The following DIPK1A variants were observed in gnomAD, a reference collection of about 807,000 sequenced individuals.
DIPK1A encodes family with sequence similarity 69 member A.
In DIPK1A, 27 loss-of-function variants were observed where a neutral mutation model predicts 40.8. The ratio of observed to expected loss-of-function variants is 0.66; its 90% CI spans 0.49 to 0.91. DIPK1A has a LOEUF of 0.91. Among genes scored for constraint, DIPK1A ranks in the 40% least tolerant of loss-of-function variants. The pLI is 0.00. For missense variants in DIPK1A, 412 were observed against 505.7 expected, an observed-to-expected ratio of 0.81 and a Z score of 1.78; for synonymous variants, 166 against 171.3, an observed-to-expected ratio of 0.97 and a Z score of 0.24.
At chr1:92,937,321 G>T (rs985356598) in intron 1 of DIPK1A, among the ~76,000 whole-genome samples, 1 of 151,896 alleles carries the variant, frequency 6.6e-6, no homozygotes, top group Non-Finnish European at 1.5e-5. Context: ...AAAATAGCCG[G>T]GCATGGTGAC....
chr1:92,847,911 A>AT (rs952920867), intron 3 of DIPK1A, among the ~76,000 whole-genome samples: 40 of 152,224 alleles, frequency 2.6e-4, no homozygotes, highest in Middle Eastern at 3.4e-3. Context: ...AATTAAAAAC[A>AT]TTTTTTGTAG....
intron 4 of DIPK1A, among the ~76,000 whole-genome samples, chr1:92,835,660 CAAAAA>C (rs11417383): frequency 8.1e-5 from 10 of 123,402 alleles, no homozygotes; most frequent in Non-Finnish European, 1.6e-4. Flanking sequence ...AACTGTGTCT[CAAAAA>C]AAAAAAAAAA....
At chr1:92,955,554 C>T (rs1303251619) in intron 1 of DIPK1A, among the ~76,000 whole-genome samples, 1 of 151,644 alleles carries the variant, frequency 6.6e-6, no homozygotes, top group Non-Finnish European at 1.5e-5. Context: ...AAAAATTAGC[C>T]AGGAGTGGTG....
chr1:92,834,182 C>G (rs1204290027), intron 4 of DIPK1A, among the ~76,000 whole-genome samples: 1 of 152,132 alleles, frequency 6.6e-6, no homozygotes, highest in East Asian at 1.9e-4. Context: ...AGGGTTTGTC[C>G]TGATTTTTCC....
At position 92,887,330 on chromosome 1, in the gene DIPK1A, G is replaced by GT. The variant is rs149281935; in HGVS notation, c.55-10901dup. Among the ~76,000 whole-genome samples, 1,481 of 151,960 alleles carry GT rather than the reference G, an allele frequency of 9.7e-3. 31 individuals are homozygous for GT. Among genetic ancestry groups the GT allele is most frequent in the South Asian group, 0.035 (169 of 4,812 alleles). ...AATCCTAGCTACCTGGGAGGCTGAG[G>GT]TGAGAGTATTGATTGAGACTGGGAT... On this transcript the variant is annotated intron_variant, in intron 1 of 4. Transcript: ENST00000370310.
rs573598222 is a variant in DIPK1A at position 92,855,767 on chromosome 1, T to A, written c.190-4812A>T. On this transcript the variant is annotated intron_variant, in intron 2 of 4. Transcript: ENST00000370310. ...AAAATAAGTAGGAGAAAAGAAATAATAAATGAAGAAATAAATGGAAAAAAA... is the reference window on the plus strand; with the variant it reads ...AAAATAAGTAGGAGAAAAGAAATAAAAAATGAAGAAATAAATGGAAAAAAA... Among the ~76,000 whole-genome samples, 9 of 150,376 alleles carry A rather than the reference T, an allele frequency of 6.0e-5. No individual in the cohort carries two copies. The South Asian group carries it at 1.9e-3, about 32-fold the overall frequency.
chr1:92,846,703 A>C, intron 4 of DIPK1A: 2 of 253,002 alleles, frequency 7.9e-6, no homozygotes, highest in South Asian at 6.7e-5. Flanking sequence ...ATCTTGGCTC[A>C]CTGCAACCTC....
At position 92,850,885 on chromosome 1, in the gene DIPK1A, T is replaced by G; in HGVS notation, c.260A>C (p.Tyr87Ser). Residue 87 changes from tyrosine to serine, a missense_variant, in exon 3 of 5, where the codon TAC becomes TCC. Coordinates refer to ENST00000370310, the MANE Select transcript of DIPK1A (RefSeq NM_001006605.5). ...CTTGGTGGATAAACATTTTCCAAAG[T>G]AAAGAGTTTCTGTAACACAAAGGCT... is the stretch of plus-strand genomic sequence containing the variant. Reference protein sequence around the residue: ...CNSLCVTETLYFGKCLSTKPN... With the variant: ...CNSLCVTETLSFGKCLSTKPN... 6.4e-7 allele frequency: 1 copy of G among 1,570,932 alleles called. No individual in the cohort carries two copies. The highest frequency in any genetic ancestry group is 8.6e-7 in the Non-Finnish European group (1 of 1,156,272).
intron 1 of DIPK1A, among the ~76,000 whole-genome samples, chr1:92,878,718 T>A (rs966915445): frequency 6.6e-6 from 1 of 150,638 alleles, no homozygotes; most frequent in East Asian, 1.9e-4. Context: ...TACTCGGGAG[T>A]CTGAGGCAGG....
At chr1:92,834,349 G>A (rs924758697) in intron 4 of DIPK1A, among the ~76,000 whole-genome samples, 1 of 152,208 alleles carries the variant, frequency 6.6e-6, no homozygotes, top group Non-Finnish European at 1.5e-5. Flanking sequence ...TTTTGCTCTT[G>A]TACTAAGAGC....
chr1:92,961,229 C>T, intron 1 of DIPK1A, 147 bp downstream of exon 1: 1 of 374,858 alleles, frequency 2.7e-6, no homozygotes, highest in African/African-American at 2.2e-5. Flanking sequence ...GAGGGCGCGC[C>T]GCCAGGTGCC....
At chr1:92,846,867 A>G (rs1441918766) in intron 4 of DIPK1A, among the ~76,000 whole-genome samples, 5 of 12,030 alleles carry the variant, frequency 4.2e-4, no homozygotes, top group African/African-American at 2.7e-3. Flanking sequence ...ATGTGTGTAT[A>G]TATATATATA....
intron 1 of DIPK1A, among the ~76,000 whole-genome samples, chr1:92,892,449 T>C (rs751390080): frequency 5.9e-5 from 9 of 152,012 alleles, no homozygotes; most frequent in African/African-American, 2.2e-4. Flanking sequence ...TCCTAACTGT[T>C]AGAAGGAAAA....
intron 1 of DIPK1A, among the ~76,000 whole-genome samples, chr1:92,929,977 T>G (rs1019945991): frequency 1.3e-5 from 2 of 152,184 alleles, no homozygotes; most frequent in Admixed American, 6.5e-5. Flanking sequence ...TCACTCCAAC[T>G]AAATAAATTT....
intron 2 of DIPK1A, among the ~76,000 whole-genome samples, chr1:92,861,219 A>C (rs1647254347): frequency 1.3e-5 from 2 of 152,060 alleles, no homozygotes; most frequent in South Asian, 4.1e-4. Context: ...TCAGGTTAAG[A>C]AAGTTCCCTC....
intron 1 of DIPK1A, among the ~76,000 whole-genome samples, chr1:92,949,304 C>T (rs112296950): frequency 0.03 from 4,614 of 151,684 alleles, 204 homozygotes; most frequent in African/African-American, 0.1. Context: ...GACAGAGTTT[C>T]GCTCTTGTTG....
At chr1:92,919,407 G>A (rs1323042513) in intron 1 of DIPK1A, among the ~76,000 whole-genome samples, 1 of 152,106 alleles carries the variant, frequency 6.6e-6, no homozygotes, top group East Asian at 1.9e-4. Context: ...TATTGTTTCT[G>A]GAAGACATGG....
chr1:92,838,030 T>TG (rs1217882388), downstream of DIPK1A, among the ~76,000 whole-genome samples: 1 of 152,240 alleles, frequency 6.6e-6, no homozygotes, highest in African/African-American at 2.4e-5. Context: ...ATTTGATCAC[T>TG]GGGTCTGCGT....
chr1:92,889,200 G>A (rs1012036133), intron 1 of DIPK1A, among the ~76,000 whole-genome samples: 1 of 152,060 alleles, frequency 6.6e-6, no homozygotes, highest in Admixed American at 6.6e-5. Flanking sequence ...AAAGATAGAG[G>A]TCTGTTTTCA....
Sources: allele counts gnomAD v4.1 joint callset (sites outside exome capture counted in the v4.1 genomes callset), GRCh38; gene constraint gnomAD v4.1.1; transcripts MANE v1.5; gene names NCBI Gene and HGNC (gene_info 2026-07-23, HGNC 2026-07-21).